CMTR1: variants seen among roughly 807,000 people sequenced by gnomAD.
The protein encoded by CMTR1 is cap methyltransferase 1.
A neutral mutation model predicts 107.0 loss-of-function variants in CMTR1; 39 were observed. That is an observed-to-expected ratio of 0.36 (90% confidence interval 0.28 to 0.48). The LOEUF (loss-of-function observed/expected upper bound fraction) is 0.48, where lower values mean the gene tolerates loss of function less well. Ranked by LOEUF, CMTR1 falls within the 20% of genes least tolerant of loss-of-function variation. CMTR1 has a pLI of 0.99. For missense variants in CMTR1, 672 were observed against 1,064.9 expected, an observed-to-expected ratio of 0.63 and a Z score of 5.14; for synonymous variants, 366 against 379.5, an observed-to-expected ratio of 0.96 and a Z score of 0.41.
At chr6:37,477,368 C>T (rs9968949) in intron 20 of CMTR1, among the ~76,000 whole-genome samples, 4,720 of 152,274 alleles carry the variant, frequency 0.031, 259 homozygotes, top group African/African-American at 0.1. Flanking sequence ...GTTGCCCTGA[C>T]GCAGGCCTGA....
chr6:37,466,950 ACTTGTG>A (rs1286812720), intron 13 of CMTR1, among the ~76,000 whole-genome samples: 1 of 152,110 alleles, frequency 6.6e-6, no homozygotes, highest in Non-Finnish European at 1.5e-5. Flanking sequence ...GCAGTTGATT[ACTTGTG>A]CTCAGGAGTT....
chr6:37,451,611 C>T (rs1197020588), intron 5 of CMTR1, among the ~76,000 whole-genome samples, 195 bp from the exon 6 acceptor site: 2 of 152,086 alleles, frequency 1.3e-5, no homozygotes, highest in Admixed American at 6.6e-5. Flanking sequence ...TGAGGGGGTG[C>T]TTCATCTCAC....
chr6:37,479,881 C>T, intron 23 of CMTR1, 132 bp from the exon 24 acceptor site: 1 of 884,906 alleles, frequency 1.1e-6, no homozygotes, highest in African/African-American at 1.8e-5. Flanking sequence ...CTACCGGGTA[C>T]CTTTTGCCTG....
intron 2 of CMTR1, among the ~76,000 whole-genome samples, chr6:37,443,628 G>C (rs764661731): frequency 1.4e-4 from 21 of 152,258 alleles, no homozygotes; most frequent in Non-Finnish European, 2.2e-4. Context: ...GGAGTACTGG[G>C]ATTACGCGTG....
intron 7 of CMTR1, 24 bp downstream of exon 7, chr6:37,453,165 C>G: frequency 6.2e-7 from 1 of 1,612,242 alleles, no homozygotes; most frequent in Non-Finnish European, 8.5e-7. Flanking sequence ...TCCCTCCCCT[C>G]CCCTGATGCT....
At chr6:37,451,777 C>A in intron 5 of CMTR1, 29 bp from the exon 6 acceptor site, 3 of 1,568,304 alleles carry the variant, frequency 1.9e-6, no homozygotes, top group South Asian at 2.2e-5. Context: ...CACACGTGGT[C>A]ATTACTTACT....
At chr6:37,434,768 C>G (rs577264133) in intron 1 of CMTR1, among the ~76,000 whole-genome samples, 2 of 152,156 alleles carry the variant, frequency 1.3e-5, no homozygotes, top group African/African-American at 4.8e-5. Context: ...GTGCCACCAC[C>G]CGGCTAATTT....
intron 19 of CMTR1, chr6:37,475,899 G>T: frequency 1.8e-6 from 1 of 555,016 alleles, no homozygotes; most frequent in South Asian, 2.0e-5. Flanking sequence ...AAAACCAACC[G>T]ACATAGTGAA....
intron 2 of CMTR1, among the ~76,000 whole-genome samples, chr6:37,437,532 A>AAC (rs1280793667): frequency 6.6e-6 from 1 of 150,996 alleles, no homozygotes; most frequent in East Asian, 1.9e-4. Flanking sequence ...AAAAAAAAAA[A>AAC]AGCTCATCAG....
intron 2 of CMTR1, among the ~76,000 whole-genome samples, chr6:37,442,247 A>T (rs907473293): frequency 6.6e-6 from 1 of 152,232 alleles, no homozygotes; most frequent in Admixed American, 6.5e-5. Context: ...ACTATGACAG[A>T]TGTCCTAATT....
At chr6:37,457,661 G>T (rs903451943) in intron 8 of CMTR1, among the ~76,000 whole-genome samples, 1 of 152,198 alleles carries the variant, frequency 6.6e-6, no homozygotes, top group Non-Finnish European at 1.5e-5. Flanking sequence ...TACTATCTTG[G>T]CAACTTTTCT....
intron 8 of CMTR1, among the ~76,000 whole-genome samples, chr6:37,457,611 T>G (rs1354607008): frequency 6.6e-6 from 1 of 152,206 alleles, no homozygotes; most frequent in East Asian, 1.9e-4. Context: ...AAACATACCA[T>G]GGTGTAAGGT....
At chr6:37,427,319 C>G in the CMTR1 span, among the ~76,000 whole-genome samples, 1 of 152,154 alleles carries the variant, frequency 6.6e-6, no homozygotes, top group Non-Finnish European at 1.5e-5. This position sits in a 1 kb window ranked among gnomAD's most constrained non-coding sequence, Gnocchi z 4.4. Context: ...CCAGAATCCT[C>G]TCCACCCAAT....
chr6:37,429,132 T>C (rs921242492), upstream of CMTR1, among the ~76,000 whole-genome samples: 1 of 152,204 alleles, frequency 6.6e-6, no homozygotes, highest in Non-Finnish European at 1.5e-5. Flanking sequence ...ATACTTTTCA[T>C]TGATCTATCT....
At chr6:37,451,055 T>A (rs1170495036) in intron 5 of CMTR1, among the ~76,000 whole-genome samples, 1 of 151,344 alleles carries the variant, frequency 6.6e-6, no homozygotes, top group African/African-American at 2.4e-5. Context: ...CCTCACTCAT[T>A]TTTTTTTTGG....
intron 19 of CMTR1, chr6:37,475,624 CAG>C: frequency 1.7e-6 from 1 of 592,302 alleles, no homozygotes; most frequent in Non-Finnish European, 3.0e-6. Context: ...CCCTGGTTAT[CAG>C]AGATACCAGC....
At chr6:37,467,154 G>A (rs986595735) in intron 13 of CMTR1, among the ~76,000 whole-genome samples, 25 of 152,120 alleles carry the variant, frequency 1.6e-4, no homozygotes, top group Admixed American at 1.4e-3. Flanking sequence ...GTGACAGAAC[G>A]AGACCGTGTC....
intron 10 of CMTR1, among the ~76,000 whole-genome samples, chr6:37,460,115 T>C (rs780786802): frequency 4.6e-5 from 7 of 152,210 alleles, no homozygotes; most frequent in Non-Finnish European, 8.8e-5. Context: ...CAGCAGAAGC[T>C]CTCACCCAGT....
At position 37,474,611 on chromosome 6, in the gene CMTR1, C is replaced by T. The variant is rs779773019; in HGVS notation, c.1909C>T (p.Leu637=). 1 of 1,614,092 alleles carries T rather than the reference C, an allele frequency of 6.2e-7. No individual in the cohort carries two copies. The highest frequency in any genetic ancestry group is 1.1e-5 in the South Asian group (1 of 91,082). ...GACAGAGCTGCCCCGGGACACTCTG[C>T]TATCTGTGGAAATTGTGCATGAGCT... ...LKTELPRDTL[L]SVEIVHELKG... The change falls in exon 18 of 24, where the codon CTA becomes TTA. Residue 637 remains leucine (L), a synonymous_variant. Coordinates refer to ENST00000373451, the MANE Select transcript of CMTR1 (RefSeq NM_015050.3).
Sources: allele counts gnomAD v4.1 joint callset (sites outside exome capture counted in the v4.1 genomes callset), GRCh38; gene constraint gnomAD v4.1.1; non-coding constraint Gnocchi (gnomAD v3.1); transcripts MANE v1.5; gene names NCBI Gene and HGNC (gene_info 2026-07-23, HGNC 2026-07-21).